The following OTUD4 variants were observed in gnomAD, a reference collection of about 807,000 sequenced individuals.
The protein encoded by OTUD4 is OTU domain-containing protein 4.
OTUD4 carries 24 observed loss-of-function variants against 130.4 expected under a neutral mutation model. The observed-to-expected ratio is 0.18, with a 90% CI of 0.13 to 0.26. The LOEUF (loss-of-function observed/expected upper bound fraction) is 0.26. Ranked by LOEUF, OTUD4 falls within the 10% of genes least tolerant of loss-of-function variation. The pLI is 1.00. For synonymous variants in OTUD4, 420 were observed against 472.5 expected (o/e 0.89, Z 1.44); for missense variants, 1,031 against 1,329.4 (o/e 0.78, Z 3.49).
intron 7 of OTUD4, among the ~76,000 whole-genome samples, chr4:145,157,066 A>G (rs1751328240): frequency 6.6e-6 from 1 of 152,238 alleles, no homozygotes; most frequent in South Asian, 2.1e-4. Context: ...CCAAGGGATG[A>G]CTGTATTATT....
Position 145,134,957 on chromosome 4 carries a change from A to G in OTUD4, c.*2473T>C. On this transcript the variant is annotated 3_prime_UTR_variant, in exon 21 of 21. Transcript: ENST00000447906. The stretch of plus-strand genomic sequence containing the variant: ...TCTATACTTTTGCCTCTATTCTCTT[A>G]TAAAGAAATATGTCAACATAACAGT... 2.5e-6 allele frequency: 1 copy of G among 398,352 alleles called. No homozygotes were observed. The highest frequency in any genetic ancestry group is 4.4e-6 in the Non-Finnish European group (1 of 225,742). The allele number at this position is 398,352 out of a possible 1,614,324, so 24.7% of individuals were successfully genotyped here.
chr4:145,143,417 A>G lies in OTUD4; in HGVS notation c.1631T>C (p.Val544Ala), dbSNP rs764611031. ...ENITDDKYAT[V>A]SSPSKSKKLE... ...CTTCTTTGACTTTGATGGTGATGAA[A>G]CTGTTGCATATTTATCATCAGTAAT... The change falls in exon 17 of 21, where the codon GTT becomes GCT. Residue 544 changes from valine (V) to alanine (A), a missense_variant. Physicochemically the swap from Val to Ala is moderately conservative, Grantham distance 64. This residue lies in a region of OTUD4 where 900 missense variants were observed against 1,095.9 expected (regional missense o/e 0.82). Coordinates refer to ENST00000447906, the MANE Select transcript of OTUD4 (RefSeq NM_001366057.1). 34 of 1,610,314 alleles carry G rather than the reference A, an allele frequency of 2.1e-5. No individual in the cohort carries two copies. The highest frequency in any genetic ancestry group is 1.6e-4 in the Middle Eastern group (1 of 6,072).
intron 19 of OTUD4, among the ~76,000 whole-genome samples, chr4:145,141,168 CAAAAAAA>C (rs1200809073): frequency 1.8e-5 from 1 of 54,896 alleles, no homozygotes; most frequent in African/African-American, 6.3e-5. Flanking sequence ...GACTCCGTCT[CAAAAAAA>C]AAAAAAAAAA....
chr4:145,170,895 T>C (rs1402419654), intron 3 of OTUD4: 1 of 152,190 alleles, frequency 6.6e-6, no homozygotes, highest in African/African-American at 2.4e-5. Context: ...CCTTTTAACA[T>C]AAACATGACT....
In OTUD4 at chr4:145,178,078, C is replaced by A. The variant is rs1752511468; in HGVS notation, c.159+1737G>T. 1.3e-5 allele frequency: 2 copies of A among 152,314 alleles called. 1 individual carries two copies. Among genetic ancestry groups the A allele is most frequent in the Admixed American group, 1.3e-4 (2 of 15,300 alleles). 9.4% of individuals were successfully genotyped at this position (152,314 alleles called of 1,614,324 possible). A position where few individuals can be genotyped will look rare whatever the true frequency, so the allele number is the denominator to read the frequency against. On this transcript the variant is annotated intron_variant, in intron 1 of 20. Coordinates refer to ENST00000447906, the MANE Select transcript of OTUD4 (RefSeq NM_001366057.1). ...GAGTCACATAACTGGGAAGGGTAGT[C>A]CCTTATGCCTAACCTAAACCCCATT... is the stretch of plus-strand genomic sequence containing the variant.
chr4:145,162,298 A>T (rs1751613207), intron 6 of OTUD4, among the ~76,000 whole-genome samples: 1 of 152,162 alleles, frequency 6.6e-6, no homozygotes, highest in South Asian at 2.1e-4. Flanking sequence ...TCACGCCTGT[A>T]ATCCCAGCAC....
Position 145,172,453 on chromosome 4 carries a change from C to T in OTUD4, c.244-733G>A, listed in dbSNP as rs143679965. On this transcript the variant is annotated intron_variant, in intron 2 of 20. Transcript: ENST00000447906. ...ATTTTTCTAATACAGCTTGCTTCAT[C>T]GCTTCATTGTTACTTTGACATAAAA... Among the ~76,000 whole-genome samples, 622 of 152,300 alleles carry T rather than the reference C, an allele frequency of 4.1e-3. 8 individuals are homozygous for T. Among genetic ancestry groups the T allele is most frequent in the African/African-American group, 0.014 (576 of 41,564 alleles).
In OTUD4 at chr4:145,150,433, T is replaced by C. The variant is rs557838861; in HGVS notation, c.1259+80A>G. On this transcript the variant is annotated intron_variant, in intron 13 of 20. Coordinates refer to ENST00000447906, the MANE Select transcript of OTUD4 (RefSeq NM_001366057.1). ...TGATATGAGTAAAAAGTTATAATTA[T>C]TCAAATGCACATAATGTGGCAAATA... is the stretch of plus-strand genomic sequence containing the variant. The C allele has an allele frequency of 6.0e-4, 578 of 958,060 alleles. 8 individuals are homozygous for C. In the South Asian group the frequency reaches 9.0e-3, roughly 15 times the overall value. 59.3% of individuals were successfully genotyped at this position (958,060 alleles called of 1,614,324 possible).
At position 145,138,344 on chromosome 4, in the gene OTUD4, G is replaced by C; in HGVS notation, c.2431C>G (p.Gln811Glu). The C allele has an allele frequency of 6.2e-7, 1 of 1,614,108 alleles. No individual in the cohort carries two copies. Among genetic ancestry groups the C allele is most frequent in the South Asian group, 1.1e-5 (1 of 91,068 alleles). ...VSESHGQLSY[Q>E]ADLESETPGQ... is the part of the protein sequence containing the mutation. ...GGGGTCTCAGATTCAAGATCAGCCT[G>C]GTAAGACAATTGTCCATGACTTTCA... The change falls in exon 21 of 21, where the codon CAG (glutamine) becomes GAG (glutamate). Residue 811 changes from glutamine to glutamate, a missense_variant. Gln to Glu is a conservative substitution (Grantham distance 29). This residue lies in a region of OTUD4 where 900 missense variants were observed against 1,095.9 expected (regional missense o/e 0.82). Coordinates refer to ENST00000447906, the MANE Select transcript of OTUD4 (RefSeq NM_001366057.1).
At position 145,138,630 on chromosome 4, in the gene OTUD4, C is replaced by A; in HGVS notation, c.2145G>T (p.Trp715Cys). 6.2e-7 allele frequency: 1 copy of A among 1,610,880 alleles called. No individual in the cohort carries two copies. Among genetic ancestry groups the A allele is most frequent in the Non-Finnish European group, 8.5e-7 (1 of 1,178,800 alleles). Residue 715 changes from tryptophan (W) to cysteine (C), a missense_variant, in exon 21 of 21, where the codon TGG (tryptophan) becomes TGT (cysteine). Trp to Cys is a radical substitution (Grantham distance 215). Coordinates refer to ENST00000447906, the MANE Select transcript of OTUD4 (RefSeq NM_001366057.1). ...GAGGGTACAGGTAAGAATGTGGGGC[C>A]CACATAGGACAACTGTATGCCTGAA... The part of the protein sequence containing the change: ...LGVKAYSCPM[W>C]APHSYLYPLH...
intron 3 of OTUD4, among the ~76,000 whole-genome samples, chr4:145,165,569 C>T (rs975233554): frequency 2.6e-5 from 4 of 152,034 alleles, no homozygotes; most frequent in Non-Finnish European, 4.4e-5. Context: ...CCTCTGCCTC[C>T]GAGGTTCAAG....
At chr4:145,141,099 G>A (rs1176995065) in intron 19 of OTUD4, among the ~76,000 whole-genome samples, 2 of 149,924 alleles carry the variant, frequency 1.3e-5, no homozygotes, top group Non-Finnish European at 3.0e-5. Flanking sequence ...AATCTGGGAG[G>A]TGGAGGTTGC....
intron 2 of OTUD4, among the ~76,000 whole-genome samples, chr4:145,173,371 G>A (rs1752269330): frequency 6.6e-6 from 1 of 151,968 alleles, no homozygotes; most frequent in Non-Finnish European, 1.5e-5. Context: ...TCCAGCCTGG[G>A]CGACAGAGCG....
intron 3 of OTUD4, among the ~76,000 whole-genome samples, chr4:145,166,823 G>A (rs1751901691): frequency 6.6e-6 from 1 of 152,156 alleles, no homozygotes; most frequent in African/African-American, 2.4e-5. Context: ...TGGGAGACAA[G>A]AGCGAAACTA....
At chr4:145,174,028 G>C (rs1480684330) in intron 2 of OTUD4, among the ~76,000 whole-genome samples, 1 of 129,638 alleles carries the variant, frequency 7.7e-6, no homozygotes, top group Non-Finnish European at 1.6e-5. Context: ...TTTTTTTTGA[G>C]ACAGAGTCTC....
chr4:145,160,713 C>T (rs1751517843), intron 6 of OTUD4, among the ~76,000 whole-genome samples: 1 of 151,912 alleles, frequency 6.6e-6, no homozygotes, highest in South Asian at 2.1e-4. Flanking sequence ...CGCAGGAGGC[C>T]GAGGCAGCAG....
chr4:145,165,011 G>T, intron 4 of OTUD4, 140 bp downstream of exon 4: 1 of 469,958 alleles, frequency 2.1e-6, no homozygotes, highest in Non-Finnish European at 3.8e-6. Context: ...AAATCTAATT[G>T]ATGCAATTAA....
chr4:145,179,691 G>GACAGCCAGGGCACGC, intron 1 of OTUD4, 124 bp downstream of exon 1: 1 of 1,405,318 alleles, frequency 7.1e-7, no homozygotes, highest in Non-Finnish European at 9.2e-7. Flanking sequence ...GCGCTGTGAC[G>GACAGCCAGGGCACGC]ACAGCCAGGG....
At chr4:145,150,760 T>C (rs1482104439) in intron 12 of OTUD4, 42 bp downstream of exon 12, 4 of 1,607,242 alleles carry the variant, frequency 2.5e-6, no homozygotes, top group Non-Finnish European at 3.4e-6. Context: ...CCAAGTACCA[T>C]CATCCCAATC....
Sources: allele counts gnomAD v4.1 joint callset (sites outside exome capture counted in the v4.1 genomes callset), GRCh38; gene constraint gnomAD v4.1.1; regional missense constraint gnomAD v4.1.1; transcripts MANE v1.5; gene names NCBI Gene and HGNC (gene_info 2026-07-23, HGNC 2026-07-21).